The following ANKS1B variants were observed in gnomAD, a reference collection of about 807,000 sequenced individuals.
ANKS1B encodes the protein ankyrin repeat and sterile alpha motif domain-containing protein 1B.
A neutral mutation model predicts 148.3 loss-of-function variants in ANKS1B; 36 were observed. The ratio of observed to expected loss-of-function variants is 0.24; its 90% CI spans 0.19 to 0.32. The LOEUF is 0.32. ANKS1B is among the 10% of genes least tolerant of loss of function. The pLI is 1.00. For synonymous variants in ANKS1B, 542 were observed against 560.8 expected, an observed-to-expected ratio of 0.97 and a Z score of 0.47; for missense variants, 1,157 against 1,542.6, an observed-to-expected ratio of 0.75 and a Z score of 4.19.
At chr12:99,435,230 C>T (rs927317968) in intron 11 of ANKS1B, among the ~76,000 whole-genome samples, 1 of 152,072 alleles carries the variant, frequency 6.6e-6, no homozygotes, top group East Asian at 1.9e-4. Context: ...TGACCCTGTA[C>T]TGTGCCATTT....
chr12:99,314,336 T>C (rs1405901604), intron 12 of ANKS1B, among the ~76,000 whole-genome samples: 2 of 152,174 alleles, frequency 1.3e-5, no homozygotes, highest in Non-Finnish European at 2.9e-5. Context: ...AAAATGGCCA[T>C]ACTGCCCAAA....
intron 14 of ANKS1B, chr12:99,155,239 G>A (rs2075876048): frequency 5.8e-6 from 5 of 859,422 alleles, no homozygotes; most frequent in South Asian, 2.1e-5. Context: ...ATGGAGCACA[G>A]ATAAACGTTT....
At chr12:99,123,247 G>A (rs915628169) in intron 15 of ANKS1B, among the ~76,000 whole-genome samples, 6 of 151,990 alleles carry the variant, frequency 3.9e-5, no homozygotes, top group Admixed American at 2.6e-4. Context: ...TTAGGGTGAG[G>A]AGAAAGTGCC....
chr12:99,237,876 C>A (rs139976083), intron 14 of ANKS1B, among the ~76,000 whole-genome samples: 19 of 152,328 alleles, frequency 1.2e-4, no homozygotes, highest in African/African-American at 3.6e-4. Context: ...CTCAGCCTCC[C>A]GAGTACCTGG....
chr12:98,873,911 TG>T (rs199866139), intron 17 of ANKS1B, among the ~76,000 whole-genome samples: 2,300 of 151,774 alleles, frequency 0.015, 35 homozygotes, highest in Non-Finnish European at 0.026. Context: ...ATATGGTGGG[TG>T]GGGGGAAAGG....
chr12:99,511,156 G>C (rs924594069), intron 9 of ANKS1B, among the ~76,000 whole-genome samples: 2 of 151,904 alleles, frequency 1.3e-5, no homozygotes, highest in East Asian at 1.9e-4. Flanking sequence ...GTTGGCTGTG[G>C]GTTTGTCATA....
chr12:99,920,592 T>G (rs1288397658), intron 1 of ANKS1B, among the ~76,000 whole-genome samples: 1 of 152,050 alleles, frequency 6.6e-6, no homozygotes, highest in Non-Finnish European at 1.5e-5. Context: ...TCATTCATAC[T>G]TTACATAGTT....
intron 12 of ANKS1B, among the ~76,000 whole-genome samples, chr12:99,317,930 T>C (rs1303578815): frequency 2.6e-5 from 4 of 151,946 alleles, no homozygotes; most frequent in Non-Finnish European, 4.4e-5. Context: ...AATCATGTGG[T>C]TTTTGTCTTT....
chr12:99,407,321 T>C (rs2094554871), intron 11 of ANKS1B, among the ~76,000 whole-genome samples: 1 of 145,616 alleles, frequency 6.9e-6, no homozygotes, highest in South Asian at 2.1e-4. Flanking sequence ...TTTGATAAAA[T>C]TCAACATCCC....
intron 6 of ANKS1B, among the ~76,000 whole-genome samples, chr12:99,779,643 TG>T (rs1234567340): frequency 6.6e-6 from 1 of 152,122 alleles, no homozygotes; most frequent in Non-Finnish European, 1.5e-5. Flanking sequence ...TATTATCAAA[TG>T]AGTAAATAAA....
intron 9 of ANKS1B, among the ~76,000 whole-genome samples, chr12:99,574,008 C>T (rs963028070): frequency 7.2e-5 from 11 of 151,980 alleles, no homozygotes; most frequent in African/African-American, 2.7e-4. Context: ...TCACTAATTT[C>T]CCCCAAATGC....
intron 14 of ANKS1B, among the ~76,000 whole-genome samples, chr12:99,242,802 C>G (rs1471170695): frequency 6.6e-6 from 1 of 152,190 alleles, no homozygotes; most frequent in Non-Finnish European, 1.5e-5. Flanking sequence ...AAAGGATTCC[C>G]TATTTAATAA....
rs547445124 is a variant in ANKS1B at position 98,755,295 on chromosome 12, A to G, written c.3580-3773T>C. On this transcript the variant is annotated intron_variant, in intron 25 of 26. Coordinates refer to ENST00000683438, the MANE Select transcript of ANKS1B (RefSeq NM_001352186.2). ...AGACTCTACCGGGATGAGGTTGAAAATTATATTGTAACATCAGAAGGCTTA... is the reference window on the plus strand; with the variant it reads ...AGACTCTACCGGGATGAGGTTGAAAGTTATATTGTAACATCAGAAGGCTTA... 1.2e-3 allele frequency among the ~76,000 whole-genome samples: 177 copies of G among 152,348 alleles called. 1 individual carries two copies. Among genetic ancestry groups the G allele is most frequent in the African/African-American group, 4.0e-3 (166 of 41,590 alleles).
chr12:99,928,233 T>C (rs1347555361), intron 1 of ANKS1B, among the ~76,000 whole-genome samples: 1 of 151,938 alleles, frequency 6.6e-6, no homozygotes, highest in African/African-American at 2.4e-5. Context: ...TTCAATTGAA[T>C]TCAAAGTCTT....
chr12:99,887,350 T>C (rs2153744549), intron 1 of ANKS1B, among the ~76,000 whole-genome samples: 1 of 152,366 alleles, frequency 6.6e-6, no homozygotes, highest in South Asian at 2.1e-4. Context: ...TCATTATTTG[T>C]TTATACTGAA....
At chr12:98,798,500 A>T (rs1265970100) in intron 22 of ANKS1B, among the ~76,000 whole-genome samples, 2 of 152,100 alleles carry the variant, frequency 1.3e-5, no homozygotes, top group Admixed American at 1.3e-4. Context: ...ATAAAAAAAA[A>T]AAACTGAGTA....
intron 12 of ANKS1B, among the ~76,000 whole-genome samples, chr12:99,272,766 T>C (rs1395829972): frequency 6.6e-6 from 1 of 152,248 alleles, no homozygotes; most frequent in Non-Finnish European, 1.5e-5. Context: ...TAAATCCCTT[T>C]CTTCTCTAGA....
chr12:99,501,948 T>C (rs2096660051), intron 10 of ANKS1B, among the ~76,000 whole-genome samples: 1 of 152,212 alleles, frequency 6.6e-6, no homozygotes, highest in Admixed American at 6.5e-5. Flanking sequence ...CTTTTCTATA[T>C]CGTATCCAGC....
At chr12:99,405,029 T>C (rs1486111320) in intron 11 of ANKS1B, among the ~76,000 whole-genome samples, 1 of 146,038 alleles carries the variant, frequency 6.8e-6, no homozygotes, top group African/African-American at 2.6e-5. Flanking sequence ...AAAAAATGTT[T>C]ATCCTAGAAT....
Sources: gnomAD v4.1 joint callset for allele counts (sites outside exome capture counted in the v4.1 genomes callset) on GRCh38, gnomAD v4.1.1 for gene constraint, MANE v1.5 for transcripts, NCBI Gene and HGNC (gene_info 2026-07-23, HGNC 2026-07-21) for gene names.